Variants in PADI3 observed in about 807,000 individuals in gnomAD.
PADI3 encodes peptidyl arginine deiminase 3, also known as protein-arginine deiminase type-3.
Under a neutral mutation model 71.5 loss-of-function variants are expected in PADI3, and 53 were observed. That is an observed-to-expected ratio of 0.74 (90% CI 0.59 to 0.93). PADI3 has a LOEUF of 0.93. PADI3 is among the 40% of genes least tolerant of loss of function. The probability of loss-of-function intolerance (pLI) is 0.00; values close to 1 mark genes in which losing one functional copy is unlikely to be tolerated. For missense variants in PADI3, 821 were observed against 868.0 expected, an observed-to-expected ratio of 0.95 and a Z score of 0.68; for synonymous variants, 361 against 347.5, an observed-to-expected ratio of 1.04 and a Z score of -0.43.
At chr1:17,251,372 G>A (rs189668453) in intron 1 of PADI3, among the ~76,000 whole-genome samples, 8 of 152,262 alleles carry the variant, frequency 5.3e-5, no homozygotes, top group Admixed American at 5.2e-4. Context: ...TAGGTGTTGT[G>A]GCTCAGTCCT....
At chr1:17,274,807 G>A (rs754543040) in intron 11 of PADI3, 21 bp downstream of exon 11, 26 of 1,609,720 alleles carry the variant, frequency 1.6e-5, no homozygotes, top group Non-Finnish European at 2.1e-5. Context: ...GACAGGGAAT[G>A]GAGTTCCTGG....
At chr1:17,254,717 A>AATTTTT (rs1553132969) in intron 1 of PADI3, among the ~76,000 whole-genome samples, 64 of 128,460 alleles carry the variant, frequency 5.0e-4, no homozygotes, top group African/African-American at 2.0e-3. Flanking sequence ...AGGCTCCAGC[A>AATTTTT]TTTTTTTTTT....
chr1:17,263,846 T>G (rs1205376204), intron 3 of PADI3, among the ~76,000 whole-genome samples: 1 of 152,176 alleles, frequency 6.6e-6, no homozygotes, highest in Non-Finnish European at 1.5e-5. Context: ...AAAGTCCCAG[T>G]GATCAAAACC....
At position 17,280,733 on chromosome 1, in the gene PADI3, CATT is replaced by C. The variant is rs764167913; in HGVS notation, c.1699_1701del (p.Ile567del). The C allele has an allele frequency of 6.8e-6, 11 of 1,614,064 alleles. No homozygotes were observed. Among genetic ancestry groups the C allele is most frequent in the African/African-American group, 6.7e-5 (5 of 74,934 alleles). On this transcript the variant is annotated inframe_deletion, in exon 15 of 16. Transcript: ENST00000375460. ...AGCTGGGCCTGGCAGAGTGTGACAT[CATT>C]GACATCCCACAGCTCTTCAAGACCG...
At chr1:17,266,360 G>A (rs72646777) in intron 4 of PADI3, among the ~76,000 whole-genome samples, 20,825 of 152,202 alleles carry the variant, frequency 0.14, 1,652 homozygotes, top group African/African-American at 0.21. Flanking sequence ...CTCTGAAGGG[G>A]TGCAGGAGGG....
chr1:17,259,070 GT>G, intron 1 of PADI3, among the ~76,000 whole-genome samples: 1 of 152,294 alleles, frequency 6.6e-6, no homozygotes, highest in Non-Finnish European at 1.5e-5. Flanking sequence ...CTGTGTGTAT[GT>G]TTTTTTGTTT....
Position 17,280,729 on chromosome 1 carries a change from A to G in PADI3, c.1694A>G (p.Asp565Gly), listed in dbSNP as rs1307582802. The change falls in exon 15 of 16, where the codon GAC (aspartate) becomes GGC (glycine). Residue 565 changes from aspartate (D) to glycine (G), a missense_variant. Asp to Gly is a moderately conservative substitution (Grantham distance 94, BLOSUM62 -1). Coordinates refer to ENST00000375460, the MANE Select transcript of PADI3 (RefSeq NM_016233.2). ...CGGGAGCTGGGCCTGGCAGAGTGTG[A>G]CATCATTGACATCCCACAGCTCTTC... ...LKRELGLAEC[D>G]IIDIPQLFKT... 2 of 1,614,188 alleles carry G rather than the reference A, an allele frequency of 1.2e-6. No individual in the cohort carries two copies. The highest frequency in any genetic ancestry group is 1.7e-6 in the Non-Finnish European group (2 of 1,180,024).
At chr1:17,276,044 T>C (rs1327190350) in intron 11 of PADI3, among the ~76,000 whole-genome samples, 3 of 152,126 alleles carry the variant, frequency 2.0e-5, no homozygotes, top group Admixed American at 2.0e-4. Flanking sequence ...TTTTAAAATA[T>C]ACGTATCTGG....
At chr1:17,253,251 C>T (rs4462198) in intron 1 of PADI3, among the ~76,000 whole-genome samples, 31,070 of 152,050 alleles carry the variant, frequency 0.2, 3,640 homozygotes, top group African/African-American at 0.32. Flanking sequence ...CTCAGATGCA[C>T]GGCTGTGTAA....
chr1:17,262,135 T>A lies in PADI3; in HGVS notation c.276T>A (p.Val92=). 3 of 1,613,574 alleles carry A rather than the reference T, an allele frequency of 1.9e-6. No homozygotes were observed. Among genetic ancestry groups the A allele is most frequent in the Non-Finnish European group, 2.5e-6 (3 of 1,179,842 alleles). ...ACTCTGCGCCCAACTCTCCACAGGT[T>A]CAGATTTCCTACCACTCCAGCCATG... The part of the protein sequence containing the change: ...SPSNDLNDSH[V]QISYHSSHEP... Residue 92 remains valine (V), a splice_region_variant and synonymous_variant, in exon 3 of 16, where the codon GTT becomes GTA. Transcript: ENST00000375460.
Position 17,272,788 on chromosome 1 carries a change from G to A in PADI3, c.1048-552G>A, listed in dbSNP as rs914428469. Among the ~76,000 whole-genome samples the A allele has an allele frequency of 8.5e-5, 13 of 152,136 alleles. 1 individual carries two copies. Among genetic ancestry groups the A allele is most frequent in the Admixed American group, 6.5e-4 (10 of 15,274 alleles). On this transcript the variant is annotated intron_variant, in intron 9 of 15. Transcript: ENST00000375460. ...GCTGGGATTATAGGTGTGAGCCACC[G>A]TGCCCGGACTGGATAAATAATTAGA...
rs913258558 is a variant in PADI3, at chr1:17,265,671, A to T, written c.359A>T (p.Asp120Val). 2.5e-6 allele frequency: 4 copies of T among 1,614,138 alleles called. No homozygotes were observed. The highest frequency in any genetic ancestry group is 3.4e-6 in the Non-Finnish European group (4 of 1,179,998). ...CCTCCTCTTGCAGACATCTCTCTGG[A>T]TTGCGACCTGAACTGTGAGGGAAGG... Reference protein sequence around the residue: ...LYLTCVDISLDCDLNCEGRQD... With the variant: ...LYLTCVDISLVCDLNCEGRQD... Residue 120 changes from aspartate (D) to valine (V), a missense_variant, in exon 4 of 16, where the codon GAT (aspartate) becomes GTT (valine). Coordinates refer to ENST00000375460, the MANE Select transcript of PADI3 (RefSeq NM_016233.2).
intron 1 of PADI3, among the ~76,000 whole-genome samples, chr1:17,253,516 TG>T (rs942592535): frequency 8.5e-5 from 13 of 152,306 alleles, no homozygotes; most frequent in Non-Finnish European, 1.5e-4. Context: ...AGACCACACC[TG>T]GCAATGAGCC....
intron 1 of PADI3, among the ~76,000 whole-genome samples, chr1:17,250,355 G>A (rs1485684239): frequency 6.6e-6 from 1 of 152,206 alleles, no homozygotes; most frequent in Non-Finnish European, 1.5e-5. Flanking sequence ...CTAGATACCA[G>A]CAGCACACTC....
chr1:17,259,668 G>T lies in PADI3; in HGVS notation c.183G>T (p.Glu61Asp), dbSNP rs1254854555. 6.2e-7 allele frequency: 1 copy of T among 1,613,980 alleles called. No individual in the cohort carries two copies. ...YISPNMERGRERADTRRWRFD... is the reference protein window; with the variant it reads ...YISPNMERGRDRADTRRWRFD... The stretch of plus-strand genomic sequence containing the variant: ...CTCCCAACATGGAGAGGGGCCGGGA[G>T]CGTGCAGACACCAGGCGGTGGCGCT... Residue 61 changes from glutamate (E) to aspartate (D), a missense_variant, in exon 2 of 16, where the codon GAG becomes GAT. Coordinates refer to ENST00000375460, the MANE Select transcript of PADI3 (RefSeq NM_016233.2).
intron 15 of PADI3, 75 bp downstream of exon 15, chr1:17,280,871 G>T: frequency 6.4e-7 from 1 of 1,559,808 alleles, no homozygotes; most frequent in South Asian, 1.2e-5. Flanking sequence ...AAAATGTCTG[G>T]TCACAGTCAT....
intron 11 of PADI3, 126 bp from the exon 12 acceptor site, chr1:17,276,393 A>G: frequency 8.6e-6 from 7 of 817,524 alleles, no homozygotes; most frequent in Non-Finnish European, 1.4e-5. Context: ...CCTGTTTATA[A>G]AAGTAATGCA....
At chr1:17,265,813 C>T in intron 4 of PADI3, 93 bp downstream of exon 4, 1 of 1,112,626 alleles carries the variant, frequency 9.0e-7, no homozygotes. Flanking sequence ...CAGATATCCC[C>T]CTGCCTCCCA....
chr1:17,271,082 G>A lies in PADI3; in HGVS notation c.951G>A (p.Thr317=), dbSNP rs1433858834. Reference sequence around the variant, plus strand: ...TTGTCCGTAGTGTGAGGAACAACACGTGTTTTGTGGATGCGGTGGCAGAGC... The same window carrying A: ...TTGTCCGTAGTGTGAGGAACAACACATGTTTTGTGGATGCGGTGGCAGAGC... ...EVYVCRVRNN[T]CFVDAVAELA... Residue 317 remains threonine, a synonymous_variant, in exon 9 of 16, where the codon ACG becomes ACA. Transcript: ENST00000375460. 3.7e-6 allele frequency: 6 copies of A among 1,614,080 alleles called. No homozygotes were observed. The highest frequency in any genetic ancestry group is 1.3e-5 in the African/African-American group (1 of 75,042).
Sources: allele counts gnomAD v4.1 joint callset (sites outside exome capture counted in the v4.1 genomes callset), GRCh38; gene constraint gnomAD v4.1.1; transcripts MANE v1.5; gene names NCBI Gene and HGNC (gene_info 2026-07-23, HGNC 2026-07-21).